The following RANBP9 variants were observed in gnomAD, a reference collection of about 807,000 sequenced individuals.
RANBP9 encodes the protein ran-binding protein 9.
Under a neutral mutation model 84.3 loss-of-function variants are expected in RANBP9, and 15 were observed. The ratio of observed to expected loss-of-function variants is 0.18; its 90% CI spans 0.12 to 0.27. The LOEUF is 0.27. Among genes scored for constraint, RANBP9 ranks in the 10% least tolerant of loss-of-function variants. RANBP9 has a pLI of 1.00. For missense variants in RANBP9, 809 were observed against 912.8 expected (o/e 0.89, Z 1.46); for synonymous variants, 392 against 349.6 (o/e 1.12, Z -1.35).
chr6:13,701,754 G>T (rs1001678922), intron 1 of RANBP9, among the ~76,000 whole-genome samples: 62 of 150,796 alleles, frequency 4.1e-4, no homozygotes, highest in Middle Eastern at 3.4e-3. Flanking sequence ...TGGGCGACAA[G>T]AGCAAGGCTC....
intron 2 of RANBP9, among the ~76,000 whole-genome samples, chr6:13,666,835 T>TTTC (rs1765661645): frequency 6.6e-6 from 1 of 152,036 alleles, no homozygotes; most frequent in Admixed American, 6.6e-5. Context: ...GAAAAACACC[T>TTTC]AAGTTTATGC....
intron 4 of RANBP9, 94 bp downstream of exon 4, chr6:13,657,015 T>G: frequency 8.4e-7 from 1 of 1,193,072 alleles, no homozygotes; most frequent in Non-Finnish European, 1.2e-6. Context: ...CATCCATCTA[T>G]AAAGGAGAAT....
chr6:13,691,453 C>A (rs892257477), intron 2 of RANBP9, among the ~76,000 whole-genome samples: 2 of 152,076 alleles, frequency 1.3e-5, no homozygotes, highest in South Asian at 4.1e-4. Context: ...CCAGGGTAAA[C>A]CTAGAAATAA....
At chr6:13,644,805 AAAG>A in intron 5 of RANBP9, 76 bp from the exon 6 acceptor site, 1 of 1,187,914 alleles carries the variant, frequency 8.4e-7, no homozygotes. Flanking sequence ...GTTACATTTA[AAAG>A]AATAGAACTA....
chr6:13,656,805 A>G (rs995995068), intron 4 of RANBP9, among the ~76,000 whole-genome samples: 2 of 152,154 alleles, frequency 1.3e-5, no homozygotes, highest in Non-Finnish European at 2.9e-5. Flanking sequence ...TATACTGTGT[A>G]GCGTTTTATT....
intron 9 of RANBP9, among the ~76,000 whole-genome samples, chr6:13,638,970 C>A (rs1040864553): frequency 8.5e-5 from 13 of 152,100 alleles, no homozygotes; most frequent in Admixed American, 5.9e-4. Flanking sequence ...CACACAATTA[C>A]CTTTTCACTA....
intron 12 of RANBP9, among the ~76,000 whole-genome samples, chr6:13,628,323 C>T (rs1462636022): frequency 6.6e-6 from 1 of 152,144 alleles, no homozygotes; most frequent in Non-Finnish European, 1.5e-5. Flanking sequence ...GTCACTGCTT[C>T]AAGAAAAGGC....
intron 12 of RANBP9, among the ~76,000 whole-genome samples, chr6:13,631,318 G>GCT (rs1321396493): frequency 2.0e-5 from 3 of 152,120 alleles, no homozygotes; most frequent in Non-Finnish European, 4.4e-5. Flanking sequence ...AACTTGAGGT[G>GCT]CTCTATAACA....
chr6:13,624,436 C>T (rs538969258), intron 13 of RANBP9, among the ~76,000 whole-genome samples: 1 of 152,262 alleles, frequency 6.6e-6, no homozygotes, highest in South Asian at 2.1e-4. Context: ...GGCCAAACAG[C>T]ACAGCACAGA....
chr6:13,709,685 G>A (rs1295273842), intron 1 of RANBP9, among the ~76,000 whole-genome samples: 1 of 152,176 alleles, frequency 6.6e-6, no homozygotes, highest in Non-Finnish European at 1.5e-5. Flanking sequence ...TAAAAAGAAT[G>A]TTCAACAAGG....
chr6:13,699,052 C>T (rs928614440), intron 1 of RANBP9, among the ~76,000 whole-genome samples: 5 of 151,928 alleles, frequency 3.3e-5, no homozygotes, highest in African/African-American at 9.7e-5. Context: ...TCAACATTTA[C>T]GAAATAGGTA....
At chr6:13,690,369 C>T (rs1249780938) in intron 2 of RANBP9, among the ~76,000 whole-genome samples, 1 of 152,152 alleles carries the variant, frequency 6.6e-6, no homozygotes, top group Non-Finnish European at 1.5e-5. Context: ...CCCTGTGCTT[C>T]CATTTGCTGC....
At chr6:13,630,299 C>T (rs1374603965) in intron 12 of RANBP9, among the ~76,000 whole-genome samples, 2 of 152,164 alleles carry the variant, frequency 1.3e-5, no homozygotes, top group Non-Finnish European at 2.9e-5. Flanking sequence ...AAAGATGATA[C>T]ATCTTCACAC....
intron 2 of RANBP9, among the ~76,000 whole-genome samples, chr6:13,663,152 A>G (rs185981442): frequency 3.0e-4 from 45 of 152,068 alleles, no homozygotes; most frequent in Non-Finnish European, 6.0e-4. Flanking sequence ...AACAAAAAAG[A>G]AAAAAAGTGC....
chr6:13,629,884 C>A (rs1030403602), intron 12 of RANBP9, among the ~76,000 whole-genome samples: 1 of 148,198 alleles, frequency 6.7e-6, no homozygotes, highest in Admixed American at 6.9e-5. Context: ...ATCTCTCTCT[C>A]TCATGTCTCT....
chr6:13,704,412 G>C (rs1243063523), intron 1 of RANBP9, among the ~76,000 whole-genome samples: 1 of 152,130 alleles, frequency 6.6e-6, no homozygotes, highest in East Asian at 1.9e-4. Context: ...CAGATGGCTT[G>C]AGCTCAGGAA....
At chr6:13,630,547 A>G (rs1389226920) in intron 12 of RANBP9, among the ~76,000 whole-genome samples, 1 of 152,214 alleles carries the variant, frequency 6.6e-6, no homozygotes, top group Non-Finnish European at 1.5e-5. Flanking sequence ...TTTATTTCCA[A>G]ATATGCCCTA....
chr6:13,703,153 C>G (rs1029855874), intron 1 of RANBP9, among the ~76,000 whole-genome samples: 2 of 152,158 alleles, frequency 1.3e-5, no homozygotes, highest in African/African-American at 4.8e-5. Context: ...TTTGGGATTA[C>G]AGGTGTGAGC....
At chr6:13,660,939 G>C (rs1765526752) in intron 2 of RANBP9, among the ~76,000 whole-genome samples, 1 of 152,238 alleles carries the variant, frequency 6.6e-6, no homozygotes, top group Non-Finnish European at 1.5e-5. Context: ...ACAAGGCTGT[G>C]AATGGGGATA....
Sources: allele counts gnomAD v4.1 joint callset (sites outside exome capture counted in the v4.1 genomes callset), GRCh38; gene constraint gnomAD v4.1.1; transcripts MANE v1.5; gene names NCBI Gene and HGNC (gene_info 2026-07-23, HGNC 2026-07-21).